The following BOC variants were observed in gnomAD, a reference collection of about 807,000 sequenced individuals.
BOC encodes the protein BOC cell adhesion associated, oncogene regulated.
BOC carries 76 observed loss-of-function variants against 112.0 expected under a neutral mutation model. That is an observed-to-expected ratio of 0.68 (90% CI 0.56 to 0.82). BOC has a LOEUF of 0.82. Among genes scored for constraint, BOC ranks in the 40% least tolerant of loss-of-function variants. The probability of loss-of-function intolerance (pLI) is 0.00; values close to 1 mark genes in which losing one functional copy is unlikely to be tolerated. For missense variants in BOC, 1,309 were observed against 1,511.7 expected (o/e 0.87, Z 2.22); for synonymous variants, 580 against 599.8 (o/e 0.97, Z 0.48).
chr3:113,243,890 C>T (rs1489589862), intron 2 of BOC, among the ~76,000 whole-genome samples: 1 of 152,198 alleles, frequency 6.6e-6, no homozygotes, highest in Non-Finnish European at 1.5e-5. Context: ...AAAGTTGTTA[C>T]AGGAGAATAA....
In BOC at chr3:113,230,189, C is replaced by T. The variant is rs551432679; in HGVS notation, c.-82+13915C>T. 1.5e-3 allele frequency among the ~76,000 whole-genome samples: 233 copies of T among 152,264 alleles called. 2 individuals are homozygous for T. The highest frequency in any genetic ancestry group is 2.5e-3 in the Non-Finnish European group (171 of 68,022). The stretch of plus-strand genomic sequence containing the variant: ...CCTGGATCCTAGATTCAAAGCGCTG[C>T]TACCAATCTTTGGGCTGTATTTCAA... On this transcript the variant is annotated intron_variant, in intron 2 of 19. Coordinates refer to ENST00000682979, the MANE Select transcript of BOC (RefSeq NM_001378074.1).
chr3:113,285,435 C>T lies in BOC; in HGVS notation c.3030C>T (p.His1010=), dbSNP rs540456315. 2 of 1,613,996 alleles carry T rather than the reference C, an allele frequency of 1.2e-6. No homozygotes were observed. The highest frequency in any genetic ancestry group is 1.7e-6 in the Non-Finnish European group (2 of 1,179,940). The change falls in exon 19 of 20, where the codon CAC becomes CAT. Residue 1010 remains histidine, a synonymous_variant. Transcript: ENST00000682979. ...FLYTLPDDST[H]QLLQPHHDCC... is the part of the protein sequence containing the mutation. ...ACACACTGCCCGACGACTCCACTCA[C>T]CAGCTGCTGCAGCCCCATCACGACT...
At chr3:113,284,716 A>T in intron 17 of BOC, 66 bp from the exon 18 acceptor site, 1 of 1,536,114 alleles carries the variant, frequency 6.5e-7, no homozygotes, top group Non-Finnish European at 9.0e-7. Flanking sequence ...CCTGTTGTTG[A>T]GTGAAGACTG....
At position 113,274,797 on chromosome 3, in the gene BOC, TC is replaced by T; in HGVS notation, c.1542+119del. The T allele has an allele frequency of 9.3e-7, 1 of 1,080,856 alleles. No individual in the cohort carries two copies. The highest frequency in any genetic ancestry group is 1.3e-6 in the Non-Finnish European group (1 of 768,474). 67.0% of individuals were successfully genotyped at this position (1,080,856 alleles called of 1,614,324 possible). ...GAGCTCCTGAAGCCTGAGCCGGTAA[TC>T]CCCACCACTAAACAGGCCCTTCTGT... On this transcript the variant is annotated intron_variant, in intron 9 of 19. Coordinates refer to ENST00000682979, the MANE Select transcript of BOC (RefSeq NM_001378074.1). The surrounding 1 kb of genome is among the most constrained non-coding windows in gnomAD (Gnocchi z 4.8).
chr3:113,253,779 C>G (rs1467221452), intron 4 of BOC, among the ~76,000 whole-genome samples: 1 of 152,116 alleles, frequency 6.6e-6, no homozygotes, highest in Non-Finnish European at 1.5e-5. Flanking sequence ...TTTCCTGTTG[C>G]TGGACAATTA....
chr3:113,224,969 C>A (rs907302568), intron 2 of BOC, among the ~76,000 whole-genome samples: 1 of 152,006 alleles, frequency 6.6e-6, no homozygotes, highest in Non-Finnish European at 1.5e-5. Flanking sequence ...CCCAGCTACT[C>A]GGGAGGCTGA....
chr3:113,236,252 GTGTGTGTGTGTGTGTA>G (rs1399573562), intron 2 of BOC, among the ~76,000 whole-genome samples: 6 of 42,176 alleles, frequency 1.4e-4, no homozygotes, highest in African/African-American at 3.9e-4. Flanking sequence ...GTGTGTGTGT[GTGTGTGTGTGTGTGTA>G]TATATACCCA....
rs1238915593 is a variant in BOC, at chr3:113,255,305, C to T, written c.376+4472C>T. On this transcript the variant is annotated intron_variant, in intron 4 of 19. Transcript: ENST00000682979. ...TCTGCTCCTGAACCAACAGCAGACC[C>T]TGCCAGGGAGCACTCCACTCCTTCT... 2.6e-5 allele frequency among the ~76,000 whole-genome samples: 4 copies of T among 152,154 alleles called. No individual in the cohort carries two copies. In the East Asian group the frequency reaches 5.8e-4, roughly 22 times the overall value.
chr3:113,253,725 T>C (rs951978878), intron 4 of BOC, among the ~76,000 whole-genome samples: 1 of 152,162 alleles, frequency 6.6e-6, no homozygotes, highest in Admixed American at 6.5e-5. Flanking sequence ...CCAGTACTTA[T>C]GATCGTAATT....
intron 19 of BOC, 54 bp from the exon 20 acceptor site, chr3:113,286,621 G>T: frequency 7.0e-7 from 1 of 1,424,378 alleles, no homozygotes; most frequent in Non-Finnish European, 9.4e-7. Context: ...GTCACTGGGT[G>T]TTGGCTCCTC....
Position 113,272,723 on chromosome 3 carries a change from TG to T in BOC, c.961+21del. Reference sequence around the variant, plus strand: ...TGTTTGGTGAGTGTCTGCTGTGGACTGTCTTCTGCTTGGCCTTCTCTCTGGT... The same window carrying T: ...TGTTTGGTGAGTGTCTGCTGTGGACTTCTTCTGCTTGGCCTTCTCTCTGGT... On this transcript the variant is annotated intron_variant, in intron 7 of 19. Coordinates refer to ENST00000682979, the MANE Select transcript of BOC (RefSeq NM_001378074.1). 1 of 1,610,106 alleles carries T rather than the reference TG, an allele frequency of 6.2e-7. No individual in the cohort carries two copies. Among genetic ancestry groups the T allele is most frequent in the Non-Finnish European group, 8.5e-7 (1 of 1,177,264 alleles).
At chr3:113,269,111 A>G (rs1251379327) in intron 5 of BOC, among the ~76,000 whole-genome samples, 2 of 152,232 alleles carry the variant, frequency 1.3e-5, no homozygotes, top group African/African-American at 4.8e-5. Context: ...AGGCTGCCTA[A>G]TAAGCCCATT....
intron 1 of BOC, among the ~76,000 whole-genome samples, chr3:113,215,450 A>G (rs1055478685): frequency 6.6e-6 from 1 of 152,146 alleles, no homozygotes; most frequent in African/African-American, 2.4e-5. Flanking sequence ...CACTGAACTA[A>G]TCTATTCCTA....
intron 2 of BOC, among the ~76,000 whole-genome samples, chr3:113,246,787 G>A (rs1165979465): frequency 6.6e-6 from 1 of 152,060 alleles, no homozygotes; most frequent in African/African-American, 2.4e-5. Flanking sequence ...GTGTTGTGGG[G>A]CTTAATGGGT....
chr3:113,233,777 C>G (rs779560477), intron 2 of BOC, among the ~76,000 whole-genome samples: 7 of 152,140 alleles, frequency 4.6e-5, no homozygotes, highest in Non-Finnish European at 7.3e-5. Flanking sequence ...GCCTACTTCT[C>G]TTTACATTCT....
intron 2 of BOC, among the ~76,000 whole-genome samples, chr3:113,221,041 G>A (rs1940533902): frequency 6.6e-6 from 1 of 152,154 alleles, no homozygotes; most frequent in Non-Finnish European, 1.5e-5. Context: ...CTGGTTGAGG[G>A]GAGGCTTTGG....
Position 113,286,885 on chromosome 3 carries a change from G to A in BOC, c.*23G>A. The A allele has an allele frequency of 6.6e-7, 1 of 1,514,030 alleles. No homozygotes were observed. Among genetic ancestry groups the A allele is most frequent in the South Asian group, 1.3e-5 (1 of 77,724 alleles). 93.8% of individuals were successfully genotyped at this position (1,514,030 alleles called of 1,614,324 possible). ...TAGGCAGAAGCTGATATCCCAGAAA[G>A]ACTATATATTGTTTTTTTTTTAAAA... is the stretch of plus-strand genomic sequence containing the variant. On this transcript the variant is annotated 3_prime_UTR_variant, in exon 20 of 20. Transcript: ENST00000682979.
chr3:113,224,536 A>C (rs1040125338), intron 2 of BOC, among the ~76,000 whole-genome samples: 2 of 146,656 alleles, frequency 1.4e-5, no homozygotes, highest in African/African-American at 5.0e-5. Context: ...ACCACATTTA[A>C]GAGAAAGGAA....
chr3:113,219,122 G>A (rs531996756), intron 2 of BOC, among the ~76,000 whole-genome samples: 54 of 152,356 alleles, frequency 3.5e-4, no homozygotes, highest in African/African-American at 1.3e-3. Context: ...TCCCTCCCAA[G>A]AGAAGGAGCA....
Sources: allele counts gnomAD v4.1 joint callset (sites outside exome capture counted in the v4.1 genomes callset), GRCh38; gene constraint gnomAD v4.1.1; non-coding constraint Gnocchi (gnomAD v3.1); transcripts MANE v1.5; gene names NCBI Gene and HGNC (gene_info 2026-07-23, HGNC 2026-07-21).